SCP2: variants seen among roughly 807,000 people sequenced by gnomAD.
The protein encoded by SCP2 is SCP-2/3-oxoacyl-CoA thiolase.
SCP2 carries 48 observed loss-of-function variants against 71.4 expected under a neutral mutation model. The ratio of observed to expected loss-of-function variants is 0.67; its 90% CI spans 0.53 to 0.86. The LOEUF (loss-of-function observed/expected upper bound fraction) is 0.86, where lower values mean the gene tolerates loss of function less well. Among genes scored for constraint, SCP2 ranks in the 40% least tolerant of loss-of-function variants. The pLI, the probability that SCP2 is intolerant of heterozygous loss-of-function variation, is 0.00. For missense variants in SCP2, 560 were observed against 655.6 expected (o/e 0.85, Z 1.59); for synonymous variants, 220 against 218.1 (o/e 1.01, Z -0.08).
At position 52,927,310 on chromosome 1, in the gene SCP2, G is replaced by A. The variant is rs184943760; in HGVS notation, c.-87G>A. The A allele has an allele frequency of 1.6e-6, 2 of 1,216,978 alleles. No individual in the cohort carries two copies. The highest frequency in any genetic ancestry group is 1.5e-5 in the African/African-American group (1 of 66,702). 75.4% of individuals were successfully genotyped at this position (1,216,978 alleles called of 1,614,324 possible). ...TGTTGCCGCCCGCGGCCCTGGCTTCGGGCTTCAGGGAGCTCTGGTGCAGTC... is the reference window on the plus strand; with the variant it reads ...TGTTGCCGCCCGCGGCCCTGGCTTCAGGCTTCAGGGAGCTCTGGTGCAGTC... On this transcript the variant is annotated 5_prime_UTR_variant, in exon 1 of 16. Coordinates refer to ENST00000371514, the MANE Select transcript of SCP2 (RefSeq NM_002979.5).
At chr1:52,980,600 T>C in intron 10 of SCP2, 57 bp downstream of exon 10, 1 of 1,494,968 alleles carries the variant, frequency 6.7e-7, no homozygotes, top group East Asian at 2.3e-5. Context: ...AAAACTTCAC[T>C]TTGACCGTTA....
At chr1:53,043,502 T>C (rs1448442900) in intron 14 of SCP2, among the ~76,000 whole-genome samples, 1 of 152,234 alleles carries the variant, frequency 6.6e-6, no homozygotes, top group East Asian at 1.9e-4. Flanking sequence ...AAGGAAGCTG[T>C]AGAGCATAGG....
intron 9 of SCP2, among the ~76,000 whole-genome samples, chr1:52,979,059 C>G (rs1017227518): frequency 6.6e-6 from 1 of 152,198 alleles, no homozygotes; most frequent in African/African-American, 2.4e-5. Context: ...ACACTGTGAA[C>G]TGGAAAATGT....
intron 5 of SCP2, among the ~76,000 whole-genome samples, chr1:52,958,528 G>A (rs941539043): frequency 6.6e-6 from 1 of 151,950 alleles, no homozygotes; most frequent in African/African-American, 2.4e-5. Flanking sequence ...ACCGCGCCTG[G>A]CCACATTTTT....
chr1:52,960,552 GTGTATATATGTATGTATATATA>G (rs1656280988), intron 5 of SCP2, among the ~76,000 whole-genome samples: 9 of 137,102 alleles, frequency 6.6e-5, no homozygotes, highest in African/African-American at 1.6e-4. Flanking sequence ...GTATATACAT[GTGTATATATGTATGTATATATA>G]TGTATATATG....
chr1:52,953,074 T>G (rs1395595018), intron 4 of SCP2, among the ~76,000 whole-genome samples: 10 of 151,008 alleles, frequency 6.6e-5, no homozygotes, highest in Non-Finnish European at 1.0e-4. Flanking sequence ...TTTTTTTTTT[T>G]TTTTTAGTTC....
intron 7 of SCP2, among the ~76,000 whole-genome samples, chr1:52,976,204 G>T (rs889526466): frequency 3.3e-5 from 5 of 152,076 alleles, no homozygotes; most frequent in African/African-American, 1.2e-4. Context: ...ACCATGTCCA[G>T]ATTTTTTACT....
At chr1:53,037,386 C>T (rs895041494) in intron 13 of SCP2, among the ~76,000 whole-genome samples, 4 of 152,048 alleles carry the variant, frequency 2.6e-5, no homozygotes, top group East Asian at 3.9e-4. Flanking sequence ...TTCCCTTGAT[C>T]GCAGCGTATT....
At chr1:53,025,387 AT>A (rs1662050337) in intron 12 of SCP2, among the ~76,000 whole-genome samples, 1 of 151,962 alleles carries the variant, frequency 6.6e-6, no homozygotes, top group African/African-American at 2.4e-5. Flanking sequence ...TATGCTGATG[AT>A]TTCTCCATTT....
In SCP2 at chr1:53,050,758, CCA is replaced by C; in HGVS notation, c.*55_*56del. On this transcript the variant is annotated 3_prime_UTR_variant, in exon 16 of 16. Transcript: ENST00000371514. ...CAAGATGAGATATATAGATATATAT[CCA>C]TACATTTTATTGTCAGAATTTAGAC... 5 of 1,170,562 alleles carry C rather than the reference CCA, an allele frequency of 4.3e-6. No homozygotes were observed. The highest frequency in any genetic ancestry group is 6.4e-6 in the Non-Finnish European group (5 of 779,196). 72.5% of individuals were successfully genotyped at this position (1,170,562 alleles called of 1,614,324 possible).
intron 11 of SCP2, among the ~76,000 whole-genome samples, chr1:52,997,535 C>A (rs1467267104): frequency 1.3e-5 from 2 of 152,094 alleles, no homozygotes; most frequent in Non-Finnish European, 2.9e-5. Context: ...TATAGATGAA[C>A]CTTGAAAACA....
At chr1:53,000,157 T>C (rs1347523479) in intron 11 of SCP2, among the ~76,000 whole-genome samples, 2 of 147,606 alleles carry the variant, frequency 1.4e-5, no homozygotes, top group East Asian at 4.0e-4. Flanking sequence ...CTCATGCCCA[T>C]AATCCCAGCA....
At chr1:52,993,621 G>T in intron 11 of SCP2, 5 of 1,612,308 alleles carry the variant, frequency 3.1e-6, no homozygotes, top group Non-Finnish European at 4.2e-6. Flanking sequence ...AAAATATCTA[G>T]CCGGGCTGCT....
At chr1:53,010,030 C>T (rs554004081) in intron 11 of SCP2, among the ~76,000 whole-genome samples, 447 of 152,286 alleles carry the variant, frequency 2.9e-3, no homozygotes, top group Admixed American at 4.5e-3. Flanking sequence ...TGAAAAAATG[C>T]TCATCATCAC....
chr1:52,973,462 G>C (rs1657677110), intron 6 of SCP2, among the ~76,000 whole-genome samples: 1 of 151,216 alleles, frequency 6.6e-6, no homozygotes, highest in African/African-American at 2.4e-5. Context: ...TAATTTTCTT[G>C]CTGCTGTCCA....
At chr1:53,001,159 A>G (rs1660292390) in intron 11 of SCP2, among the ~76,000 whole-genome samples, 1 of 152,114 alleles carries the variant, frequency 6.6e-6, no homozygotes, top group African/African-American at 2.4e-5. Flanking sequence ...AGTCTCAGGA[A>G]GTGTATAAGA....
At chr1:52,952,698 C>G (rs1655426503) in intron 4 of SCP2, among the ~76,000 whole-genome samples, 1 of 152,056 alleles carries the variant, frequency 6.6e-6, no homozygotes, top group Non-Finnish European at 1.5e-5. Flanking sequence ...GCCTAGGAGA[C>G]TGAGGCTGCA....
chr1:52,938,986 A>T (rs1653974966), intron 1 of SCP2, among the ~76,000 whole-genome samples: 1 of 152,194 alleles, frequency 6.6e-6, no homozygotes, highest in Non-Finnish European at 1.5e-5. Flanking sequence ...GCAACCACTG[A>T]TCTTTTTACT....
intron 13 of SCP2, among the ~76,000 whole-genome samples, chr1:53,036,765 G>T (rs1169426727): frequency 1.3e-5 from 2 of 151,514 alleles, no homozygotes; most frequent in African/African-American, 4.8e-5. Context: ...TTTACAGAAA[G>T]ATTTTCTTGT....
Sources: gnomAD v4.1 joint callset for allele counts (sites outside exome capture counted in the v4.1 genomes callset) on GRCh38, gnomAD v4.1.1 for gene constraint, MANE v1.5 for transcripts, NCBI Gene and HGNC (gene_info 2026-07-23, HGNC 2026-07-21) for gene names.